Variants in VRK2 observed in about 807,000 individuals in gnomAD.
VRK2 encodes the protein VRK serine/threonine kinase 2, also known as serine/threonine-protein kinase VRK2.
In VRK2, 60 loss-of-function variants were observed where a neutral mutation model predicts 57.6. The ratio of observed to expected loss-of-function variants is 1.04; its 90% confidence interval spans 0.85 to 1.29. The LOEUF is 1.29. Among genes scored for constraint, VRK2 ranks in the 50% most tolerant of loss-of-function variants. The pLI, the probability that VRK2 is intolerant of heterozygous loss-of-function variation, is 0.00. For missense variants in VRK2, 705 were observed against 588.1 expected (o/e 1.20, Z -2.06); for synonymous variants, 231 against 199.2 (o/e 1.16, Z -1.35).
At chr2:58,043,036 A>G (rs1674524736), upstream of VRK2, among the ~76,000 whole-genome samples, 1 of 152,230 alleles carries the variant, frequency 6.6e-6, no homozygotes, top group Admixed American at 6.5e-5. Context: ...TATTCTCAAT[A>G]TAGGTTTACC....
chr2:57,967,573 A>G (rs1026070960), intron 1 of VRK2, among the ~76,000 whole-genome samples: 3 of 152,180 alleles, frequency 2.0e-5, no homozygotes, highest in African/African-American at 7.2e-5. Context: ...TAAAAATATA[A>G]GAAAACAAAA....
chr2:57,942,660 C>T (rs1417384284), intron 1 of VRK2, among the ~76,000 whole-genome samples: 1 of 152,032 alleles, frequency 6.6e-6, no homozygotes, highest in Non-Finnish European at 1.5e-5. Flanking sequence ...ACTACTGTAC[C>T]TTGCAGGGCC....
chr2:57,939,481 T>C lies in VRK2; in HGVS notation c.-439+31642T>C, dbSNP rs183524878. Among the ~76,000 whole-genome samples the C allele has an allele frequency of 7.9e-4, 120 of 152,340 alleles. 1 individual carries two copies. The highest frequency in any genetic ancestry group is 1.3e-3 in the Non-Finnish European group (90 of 68,022). ...CTTTCCATACCTGATGTATATTTTGTATGAAAGGTATATACAGATTGTTCA... is the reference window on the plus strand; with the variant it reads ...CTTTCCATACCTGATGTATATTTTGCATGAAAGGTATATACAGATTGTTCA... On this transcript the variant is annotated intron_variant, in intron 1 of 15. Transcript: ENST00000417641.
intron 2 of VRK2, among the ~76,000 whole-genome samples, chr2:58,061,170 CTG>C (rs1439185728): frequency 6.6e-6 from 1 of 151,478 alleles, no homozygotes; most frequent in African/African-American, 2.4e-5. Flanking sequence ...AATTGATGAA[CTG>C]TGGTTCAGAA....
At chr2:57,943,897 T>G (rs1298261714) in intron 1 of VRK2, among the ~76,000 whole-genome samples, 1 of 152,208 alleles carries the variant, frequency 6.6e-6, no homozygotes, top group Non-Finnish European at 1.5e-5. Flanking sequence ...ATATGGTGTC[T>G]GTTGCAACAA....
chr2:58,042,617 T>C (rs899292674), upstream of VRK2, among the ~76,000 whole-genome samples: 2 of 152,204 alleles, frequency 1.3e-5, no homozygotes, highest in African/African-American at 4.8e-5. Context: ...TACTAAATGG[T>C]TGGGTTTTTC....
intron 1 of VRK2, among the ~76,000 whole-genome samples, chr2:57,928,047 T>C (rs1670598902): frequency 6.6e-6 from 1 of 152,204 alleles, no homozygotes; most frequent in Non-Finnish European, 1.5e-5. Flanking sequence ...TATAACCTTC[T>C]TGTACTTGAC....
At chr2:58,065,589 C>T (rs114946309) in intron 2 of VRK2, among the ~76,000 whole-genome samples, 1,630 of 152,130 alleles carry the variant, frequency 0.011, 30 homozygotes, top group African/African-American at 0.037. Context: ...ATTTTAATTC[C>T]TTTGCTTTTC....
intron 1 of VRK2, among the ~76,000 whole-genome samples, chr2:57,942,815 T>C (rs1568252): frequency 0.91 from 138,639 of 152,246 alleles, 63,384 homozygotes; most frequent in African/African-American, 0.98. Context: ...TACTTCAGTT[T>C]ACAGTCAACC....
intron 1 of VRK2, among the ~76,000 whole-genome samples, chr2:57,973,579 GA>G (rs1306544240): frequency 6.6e-6 from 1 of 151,742 alleles, no homozygotes; most frequent in Non-Finnish European, 1.5e-5. Context: ...AAGATGAAAG[GA>G]AAAGAGCTAC....
exon 1 of VRK2, chr2:57,907,712 A>T (rs564654976): frequency 2.6e-5 from 4 of 152,326 alleles, no homozygotes; most frequent in Admixed American, 2.6e-4. Flanking sequence ...GATTGTCCTC[A>T]TGGGGAAAGT....
At chr2:58,141,869 C>CA (rs1001523551) in intron 11 of VRK2, among the ~76,000 whole-genome samples, 1 of 151,940 alleles carries the variant, frequency 6.6e-6, no homozygotes, top group Non-Finnish European at 1.5e-5. Context: ...GCTTCCATAA[C>CA]AAAAATCATT....
At chr2:57,956,416 A>G (rs927553562) in intron 1 of VRK2, among the ~76,000 whole-genome samples, 2 of 152,140 alleles carry the variant, frequency 1.3e-5, no homozygotes, top group Admixed American at 1.3e-4. Flanking sequence ...GTAAAATAAT[A>G]GTATTCATTC....
At chr2:58,041,093 T>G (rs751754065) in intron 3 of VRK2, 24 of 983,970 alleles carry the variant, frequency 2.4e-5, no homozygotes, top group Non-Finnish European at 2.9e-5. Context: ...GGATGTAGAG[T>G]GTAAATATAG....
Position 58,007,615 on chromosome 2 carries a change from C to T in VRK2, c.-438-18050C>T, listed in dbSNP as rs1220024821. On this transcript the variant is annotated intron_variant, in intron 1 of 15. Transcript: ENST00000417641. ...TACAATACATATTACATATAACATA[C>T]AAAATATGTGTTAATCAACTGTTTA... Among the ~76,000 whole-genome samples the T allele has an allele frequency of 2.6e-5, 4 of 152,008 alleles. No individual in the cohort carries two copies. In the East Asian group the frequency reaches 5.8e-4, roughly 22 times the overall value.
rs918601309 is a variant in VRK2 at position 57,999,048 on chromosome 2, T to G, written c.-438-26617T>G. 1.1e-4 allele frequency among the ~76,000 whole-genome samples: 16 copies of G among 152,210 alleles called. No homozygotes were observed. In the East Asian group the frequency reaches 3.1e-3, roughly 29 times the overall value. ...AAATTTATATCTACTGGACAGTTGT[T>G]ACATTATAAGGTATAAGGGGGTGGG... On this transcript the variant is annotated intron_variant, in intron 1 of 15. Coordinates refer to the VRK2 transcript ENST00000417641.
intron 8 of VRK2, among the ~76,000 whole-genome samples, chr2:58,126,894 C>G (rs1174145701): frequency 6.6e-6 from 1 of 151,910 alleles, no homozygotes; most frequent in African/African-American, 2.4e-5. Context: ...ATATTTGAAT[C>G]AATGTGTGGT....
intron 9 of VRK2, among the ~76,000 whole-genome samples, chr2:58,134,679 G>T (rs1679745302): frequency 2.0e-5 from 3 of 150,446 alleles, no homozygotes; most frequent in African/African-American, 7.4e-5. Context: ...CCCCAGTTCA[G>T]TACCATTAGA....
In VRK2 at chr2:57,965,778, C is replaced by T. The variant is rs531169681; in HGVS notation, c.-439+57939C>T. Among the ~76,000 whole-genome samples the T allele has an allele frequency of 5.9e-5, 9 of 152,216 alleles. No homozygotes were observed. The South Asian group carries it at 6.2e-4, about 11-fold the overall frequency. On this transcript the variant is annotated intron_variant, in intron 1 of 15. Coordinates refer to the VRK2 transcript ENST00000417641. The stretch of plus-strand genomic sequence containing the variant: ...AGATTCCGAGGCTGAGTCCAGACCC[C>T]GAACTGAGGTGATCCAATATAGAGG...
Sources: gnomAD v4.1 joint callset for allele counts (sites outside exome capture counted in the v4.1 genomes callset) on GRCh38, gnomAD v4.1.1 for gene constraint, MANE v1.5 for transcripts, NCBI Gene and HGNC (gene_info 2026-07-23, HGNC 2026-07-21) for gene names.